Variants in ZNF780A observed in about 807,000 individuals in gnomAD.
ZNF780A encodes zinc finger protein 780A.
In ZNF780A, 40 loss-of-function variants were observed where a neutral mutation model predicts 56.7. The ratio of observed to expected loss-of-function variants is 0.71; its 90% confidence interval spans 0.55 to 0.92. The LOEUF is 0.92. ZNF780A is among the 40% of genes least tolerant of loss of function. ZNF780A has a pLI of 0.00. For missense variants in ZNF780A, 672 were observed against 783.3 expected (o/e 0.86, Z 1.70); for synonymous variants, 231 against 248.3 (o/e 0.93, Z 0.66).
At chr19:40,089,617 T>TACACACACACAC (rs5828058) in intron 2 of ZNF780A, among the ~76,000 whole-genome samples, 18 of 147,910 alleles carry the variant, frequency 1.2e-4, no homozygotes, top group African/African-American at 4.2e-4. Context: ...CCTCTCACAG[T>TACACACACACAC]ACACACACAC....
intron 5 of ZNF780A, among the ~76,000 whole-genome samples, chr19:40,079,139 G>C (rs535088641): frequency 6.6e-6 from 1 of 152,112 alleles, no homozygotes; most frequent in South Asian, 2.1e-4. Flanking sequence ...GTAAAGGAAT[G>C]GTAAAAGATA....
In ZNF780A at chr19:40,076,142, G is replaced by A. The variant is rs1382393975; in HGVS notation, c.300C>T (p.Pro100=). 1.9e-6 allele frequency: 3 copies of A among 1,600,144 alleles called. No individual in the cohort carries two copies. The highest frequency in any genetic ancestry group is 2.6e-6 in the Non-Finnish European group (3 of 1,176,196). ...PENDTSEVNL[P]KQVIKQISTT... Reference sequence around the variant, plus strand: ...TACTTATTTGCTTTATAACCTGTTTGGGTAAATTTACTTCAGAGGTATCAT... The same window carrying A: ...TACTTATTTGCTTTATAACCTGTTTAGGTAAATTTACTTCAGAGGTATCAT... Residue 100 remains proline (P), a synonymous_variant, in exon 6 of 6, where the codon CCC becomes CCT. Coordinates refer to ENST00000683561, the MANE Select transcript of ZNF780A (RefSeq NM_001142578.2).
chr19:40,089,045 T>C (rs1974976527), intron 2 of ZNF780A, among the ~76,000 whole-genome samples: 1 of 152,216 alleles, frequency 6.6e-6, no homozygotes, highest in Admixed American at 6.5e-5. Flanking sequence ...ACTGGGGAAA[T>C]GTTGGTCAAA....
chr19:40,081,104 A>G (rs1244752363), intron 5 of ZNF780A, among the ~76,000 whole-genome samples: 1 of 152,158 alleles, frequency 6.6e-6, no homozygotes, highest in African/African-American at 2.4e-5. Context: ...ACTATATTAA[A>G]CTAAACGCTT....
At chr19:40,076,917 T>C (rs1036594857) in intron 5 of ZNF780A, among the ~76,000 whole-genome samples, 1 of 152,134 alleles carries the variant, frequency 6.6e-6, no homozygotes, top group Non-Finnish European at 1.5e-5. Context: ...CAGCCCATCA[T>C]AGTCACCTCC....
downstream of ZNF780A, chr19:40,072,678 G>T: frequency 7.5e-5 from 59 of 788,618 alleles, no homozygotes; most frequent in South Asian, 1.1e-4. Flanking sequence ...AAAGAAGAAT[G>T]AGGAGAAAGG....
downstream of ZNF780A, chr19:40,072,103 A>G (rs337782): frequency 0.25 from 52,398 of 211,908 alleles, 11,460 homozygotes; most frequent in African/African-American, 0.66. Context: ...GCCACAACTC[A>G]TTCTTCAAAT....
In ZNF780A at chr19:40,073,077, G is replaced by C. The variant is rs189686210; in HGVS notation, c.*1439C>G. On this transcript the variant is annotated 3_prime_UTR_variant, in exon 6 of 6. Transcript: ENST00000683561. ...TATTGTCTATATTGTCTTCATGTTT[G>C]GTTGATACACACGTTGATTAAATAA... 10 of 1,391,564 alleles carry C rather than the reference G, an allele frequency of 7.2e-6. No individual in the cohort carries two copies. In the East Asian group the frequency reaches 2.5e-4, roughly 35 times the overall value. 86.2% of individuals were successfully genotyped at this position (1,391,564 alleles called of 1,614,324 possible).
intron 2 of ZNF780A, among the ~76,000 whole-genome samples, chr19:40,086,996 C>G (rs1393816411): frequency 6.6e-6 from 1 of 152,138 alleles, no homozygotes; most frequent in African/African-American, 2.4e-5. Flanking sequence ...AGCCACCGCG[C>G]CCCGCCCCAT....
intron 3 of ZNF780A, 124 bp downstream of exon 3, chr19:40,084,621 T>C: frequency 1.0e-6 from 1 of 960,460 alleles, no homozygotes; most frequent in Non-Finnish European, 1.5e-6. Context: ...CAACCTTCAC[T>C]GTAATGGGAC....
intron 5 of ZNF780A, among the ~76,000 whole-genome samples, chr19:40,079,562 C>T (rs903058170): frequency 1.3e-5 from 2 of 152,124 alleles, no homozygotes; most frequent in African/African-American, 4.8e-5. Context: ...GCACACAGAA[C>T]ATTCTCTAGG....
rs1307299718 is a variant in ZNF780A, at chr19:40,073,585, A to G, written c.*931T>C. On this transcript the variant is annotated 3_prime_UTR_variant, in exon 6 of 6. Coordinates refer to ENST00000683561, the MANE Select transcript of ZNF780A (RefSeq NM_001142578.2). ...ACATTGTGAACATGACAACTACCCTATATTCCTCATTCAAAGACTTTCTCA... is the reference window on the plus strand; with the variant it reads ...ACATTGTGAACATGACAACTACCCTGTATTCCTCATTCAAAGACTTTCTCA... 4 of 985,988 alleles carry G rather than the reference A, an allele frequency of 4.1e-6. No individual in the cohort carries two copies. The highest frequency in any genetic ancestry group is 4.8e-6 in the Non-Finnish European group (4 of 830,402). 61.1% of individuals were successfully genotyped at this position (985,988 alleles called of 1,614,324 possible).
chr19:40,083,906 T>C (rs965014332), intron 3 of ZNF780A, among the ~76,000 whole-genome samples: 11 of 152,000 alleles, frequency 7.2e-5, no homozygotes, highest in Admixed American at 2.6e-4. Flanking sequence ...TTTTATTTTT[T>C]ATTTTTTTTC....
chr19:40,083,389 G>A (rs1040611378), intron 3 of ZNF780A, among the ~76,000 whole-genome samples, 152 bp from the exon 4 acceptor site: 2 of 152,240 alleles, frequency 1.3e-5, no homozygotes, highest in Non-Finnish European at 2.9e-5. Context: ...TGCTGGCTGA[G>A]TATGGTGGCT....
In ZNF780A at chr19:40,076,164, T is replaced by A; in HGVS notation, c.278A>T (p.Asp93Val). The change falls in exon 6 of 6, where the codon GAT (aspartate) becomes GTT (valine). Residue 93 changes from aspartate to valine, a missense_variant. Coordinates refer to ENST00000683561, the MANE Select transcript of ZNF780A (RefSeq NM_001142578.2). ...YGPEKVSPEN[D>V]TSEVNLPKQV... ...TTTGGGTAAATTTACTTCAGAGGTATCATTTTCTGGAGATACTTTCTCAGG... is the reference window on the plus strand; with the variant it reads ...TTTGGGTAAATTTACTTCAGAGGTAACATTTTCTGGAGATACTTTCTCAGG... 6.3e-7 allele frequency: 1 copy of A among 1,583,948 alleles called. No homozygotes were observed. Among genetic ancestry groups the A allele is most frequent in the South Asian group, 1.2e-5 (1 of 85,496 alleles).
chr19:40,072,816 A>G (rs1568440550), downstream of ZNF780A: 2 of 1,496,076 alleles, frequency 1.3e-6, no homozygotes, highest in Middle Eastern at 1.7e-4. Flanking sequence ...ACTAAGTGCC[A>G]CTGTTGATTC....
At position 40,073,472 on chromosome 19, in the gene ZNF780A, C is replaced by T; in HGVS notation, c.*1044G>A. On this transcript the variant is annotated 3_prime_UTR_variant, in exon 6 of 6. Coordinates refer to ENST00000683561, the MANE Select transcript of ZNF780A (RefSeq NM_001142578.2). The stretch of plus-strand genomic sequence containing the variant: ...CGTCTTGCTCACCACAGGGTTGCCA[C>T]AAACCTTCAGTTTGTATAAAACACA... 1.0e-6 allele frequency: 1 copy of T among 976,422 alleles called. No homozygotes were observed. The highest frequency in any genetic ancestry group is 1.2e-6 in the Non-Finnish European group (1 of 821,784). The allele number at this position is 976,422 out of a possible 1,614,324, so 60.5% of individuals were successfully genotyped here.
chr19:40,089,387 T>C (rs558358774), intron 2 of ZNF780A: 1 of 1,042,004 alleles, frequency 9.6e-7, no homozygotes, highest in African/African-American at 1.6e-5. Context: ...GCAGTCGCAA[T>C]GAATCACATA....
In ZNF780A at chr19:40,087,680, A is replaced by G. The variant is rs1974890157; in HGVS notation, c.-46+2486T>C. Among the ~76,000 whole-genome samples, 3 of 152,204 alleles carry G rather than the reference A, an allele frequency of 2.0e-5. No individual in the cohort carries two copies. In the South Asian group the frequency reaches 6.2e-4, roughly 31 times the overall value. On this transcript the variant is annotated intron_variant, in intron 2 of 5. Coordinates refer to ENST00000683561, the MANE Select transcript of ZNF780A (RefSeq NM_001142578.2). ...AAAATGCTAAAATTTGTATAGAACC[A>G]CAAAAGACCCAAATAGCCAAAGCAA... is the stretch of plus-strand genomic sequence containing the variant.
Sources: allele counts gnomAD v4.1 joint callset (sites outside exome capture counted in the v4.1 genomes callset), GRCh38; gene constraint gnomAD v4.1.1; transcripts MANE v1.5; gene names NCBI Gene and HGNC (gene_info 2026-07-23, HGNC 2026-07-21).